DACH2: variants seen among roughly 807,000 people sequenced by gnomAD.
DACH2 encodes dachshund homolog 2.
Under a neutral mutation model 35.8 loss-of-function variants are expected in DACH2, and 17 were observed. That is an observed-to-expected ratio of 0.48 (90% confidence interval 0.33 to 0.71). The LOEUF is 0.71. Ranked by LOEUF, DACH2 falls within the 30% of genes least tolerant of loss-of-function variation. The pLI, the probability that DACH2 is intolerant of heterozygous loss-of-function variation, is 0.02. For synonymous variants in DACH2, 195 were observed against 177.3 expected, an observed-to-expected ratio of 1.10 and a Z score of -0.79; for missense variants, 469 against 472.7, an observed-to-expected ratio of 0.99 and a Z score of 0.07.
chrX:86,195,846 C>T (rs2031966932), intron 1 of DACH2, among the ~76,000 whole-genome samples: 1 of 111,290 alleles, frequency 9.0e-6, no homozygotes, highest in Non-Finnish European at 1.9e-5. Flanking sequence ...TCCCTAAAAT[C>T]TTCCAGAAAT....
intron 3 of DACH2, among the ~76,000 whole-genome samples, chrX:86,616,786 GTTTTGCTT>G (rs1269898390): frequency 8.9e-6 from 1 of 112,067 alleles, no homozygotes; most frequent in Non-Finnish European, 1.9e-5. Context: ...CATTTGTCAA[GTTTTGCTT>G]TTGTGGCAAT....
At chrX:86,458,570 G>A (rs2037514807) in intron 2 of DACH2, among the ~76,000 whole-genome samples, 1 of 111,464 alleles carries the variant, frequency 9.0e-6, no homozygotes, top group East Asian at 2.8e-4. Context: ...TGATGATGTG[G>A]TCATGAAATA....
At chrX:86,604,256 CTAGGTAGAGATATACT>C (rs768631234) in intron 3 of DACH2, among the ~76,000 whole-genome samples, 2 of 111,087 alleles carry the variant, frequency 1.8e-5, no homozygotes, top group Non-Finnish European at 3.8e-5. Flanking sequence ...TTTATCTCTA[CTAGGTAGAGATATACT>C]TAGTAAACCT....
intron 7 of DACH2, among the ~76,000 whole-genome samples, chrX:86,774,933 G>A (rs920760730): frequency 1.8e-5 from 2 of 111,278 alleles, no homozygotes; most frequent in African/African-American, 6.5e-5. Context: ...AAATAGAATA[G>A]GGTAAAACAT....
chrX:86,551,353 C>A (rs971463593), intron 3 of DACH2, among the ~76,000 whole-genome samples: 1 of 111,756 alleles, frequency 8.9e-6, no homozygotes, highest in Non-Finnish European at 1.9e-5. Context: ...TACAGCATAC[C>A]TAACTCATAC....
At chrX:86,444,204 G>A (rs186938810) in intron 2 of DACH2, among the ~76,000 whole-genome samples, 1 of 111,420 alleles carries the variant, frequency 9.0e-6, no homozygotes, top group African/African-American at 3.3e-5. Flanking sequence ...ACTCTCATCA[G>A]CCTCCTAAAT....
chrX:86,655,728 G>A (rs2040531359), intron 4 of DACH2, among the ~76,000 whole-genome samples: 1 of 111,051 alleles, frequency 9.0e-6, no homozygotes, highest in Non-Finnish European at 1.9e-5. Context: ...AGGTAGGAGA[G>A]GAGATAAAAA....
At chrX:86,175,184 A>G (rs987311055) in intron 1 of DACH2, among the ~76,000 whole-genome samples, 2 of 112,050 alleles carry the variant, frequency 1.8e-5, no homozygotes, top group Non-Finnish European at 3.8e-5. Flanking sequence ...AAAGAGCCTG[A>G]CAAAGAACAT....
intron 1 of DACH2, among the ~76,000 whole-genome samples, chrX:86,282,181 G>A (rs2034043147): frequency 9.0e-6 from 1 of 110,986 alleles, no homozygotes; most frequent in East Asian, 2.8e-4. Flanking sequence ...AAAAAAAAGA[G>A]CTCATATAGC....
chrX:86,292,185 T>C (rs963261907), intron 1 of DACH2, among the ~76,000 whole-genome samples: 3 of 83,708 alleles, frequency 3.6e-5, no homozygotes, highest in Non-Finnish European at 6.7e-5. Context: ...TTTATCCATT[T>C]CTTCTAGATT....
At chrX:86,158,523 G>A (rs955755131) in intron 1 of DACH2, among the ~76,000 whole-genome samples, 11 of 78,215 alleles carry the variant, frequency 1.4e-4, no homozygotes, top group East Asian at 4.3e-4. Context: ...TAGCCTGTGC[G>A]TGTGTGTGTG....
chrX:86,368,896 A>G (rs1367842244), intron 1 of DACH2, among the ~76,000 whole-genome samples: 1 of 111,512 alleles, frequency 9.0e-6, no homozygotes, highest in Admixed American at 9.6e-5. Context: ...GGAAAAAAGC[A>G]TCAAGATAAA....
intron 3 of DACH2, among the ~76,000 whole-genome samples, chrX:86,555,623 AG>A (rs781208768): frequency 8.0e-4 from 89 of 111,738 alleles, no homozygotes; most frequent in African/African-American, 2.6e-3. Flanking sequence ...AATATTAAAT[AG>A]GTTGTAAAAT....
chrX:86,712,441 T>A (rs769569508), intron 5 of DACH2, among the ~76,000 whole-genome samples: 19 of 110,997 alleles, frequency 1.7e-4, no homozygotes, highest in Non-Finnish European at 3.6e-4. Flanking sequence ...CTTAGCATAA[T>A]GTTCTCCAGA....
At chrX:86,430,814 A>G (rs915621954) in intron 2 of DACH2, among the ~76,000 whole-genome samples, 2 of 112,187 alleles carry the variant, frequency 1.8e-5, no homozygotes, top group African/African-American at 6.5e-5. Flanking sequence ...ACGTAACTCA[A>G]ACCTATCCCC....
chrX:86,537,078 G>A (rs1434216951), intron 3 of DACH2, among the ~76,000 whole-genome samples: 1 of 111,126 alleles, frequency 9.0e-6, no homozygotes, highest in Non-Finnish European at 1.9e-5. Flanking sequence ...TGAAATCTGG[G>A]TGGAGAAAGC....
At chrX:86,680,413 A>C (rs961179124) in intron 4 of DACH2, among the ~76,000 whole-genome samples, 1 of 111,668 alleles carries the variant, frequency 9.0e-6, no homozygotes, top group African/African-American at 3.3e-5. Context: ...TTTTCTTTGA[A>C]AAATATGTCC....
chrX:86,450,318 G>T (rs969879881), intron 2 of DACH2, among the ~76,000 whole-genome samples: 6 of 111,270 alleles, frequency 5.4e-5, no homozygotes, highest in Admixed American at 3.8e-4. Flanking sequence ...GTGAGAACAT[G>T]CAGTGTTTGG....
At chrX:86,600,803 C>T (rs956793499) in intron 3 of DACH2, among the ~76,000 whole-genome samples, 5 of 111,292 alleles carry the variant, frequency 4.5e-5, no homozygotes, top group African/African-American at 1.6e-4. Flanking sequence ...AGTCTTTTGG[C>T]CGGATGCTTG....
Sources: allele counts gnomAD v4.1 joint callset (sites outside exome capture counted in the v4.1 genomes callset), GRCh38; gene constraint gnomAD v4.1.1; transcripts MANE v1.5; gene names NCBI Gene and HGNC (gene_info 2026-07-23, HGNC 2026-07-21).